Variants in TTI1 observed in about 807,000 individuals in gnomAD.
The protein encoded by TTI1 is TELO2-interacting protein 1 homolog.
Under a neutral mutation model 85.4 loss-of-function variants are expected in TTI1, and 52 were observed. The observed-to-expected ratio is 0.61, with a 90% confidence interval of 0.49 to 0.77. The LOEUF is 0.77. Ranked by LOEUF, TTI1 falls within the 30% of genes least tolerant of loss-of-function variation. The pLI, the probability that TTI1 is intolerant of heterozygous loss-of-function variation, is 0.00. For synonymous variants in TTI1, 512 were observed against 503.9 expected (o/e 1.02, Z -0.22); for missense variants, 1,173 against 1,296.0 (o/e 0.91, Z 1.46).
chr20:38,007,843 A>G (rs868299691), intron 2 of TTI1, among the ~76,000 whole-genome samples: 1 of 152,230 alleles, frequency 6.6e-6, no homozygotes, highest in South Asian at 2.1e-4. Context: ...CCATTATGAC[A>G]TTCTTCAAAC....
intron 1 of TTI1, among the ~76,000 whole-genome samples, chr20:38,015,247 A>G (rs2073665277): frequency 6.6e-6 from 1 of 152,160 alleles, no homozygotes; most frequent in Non-Finnish European, 1.5e-5. Flanking sequence ...AGTCTGGTCT[A>G]CTGACCTCCC....
Position 37,983,272 on chromosome 20 carries a change from A to C in TTI1, c.*184T>G. The C allele has an allele frequency of 1.6e-6, 1 of 607,186 alleles. No homozygotes were observed. The allele number at this position is 607,186 out of a possible 1,614,324, so 37.6% of individuals were successfully genotyped here. A position where few individuals can be genotyped will look rare whatever the true frequency, so the allele number is the denominator to read the frequency against. On this transcript the variant is annotated 3_prime_UTR_variant, in exon 8 of 8. Transcript: ENST00000373447. ...ACACAAGGTATGAAACATAAATAAT[A>C]GTCAGCTACTTTCCTTCAATCCATT... is the stretch of plus-strand genomic sequence containing the variant.
chr20:37,995,003 G>C (rs1467891764), intron 7 of TTI1, among the ~76,000 whole-genome samples: 1 of 152,182 alleles, frequency 6.6e-6, no homozygotes, highest in Admixed American at 6.5e-5. Context: ...TTAACTCTTG[G>C]TTGTAATAGG....
At chr20:38,008,525 T>C (rs552924481) in intron 2 of TTI1, among the ~76,000 whole-genome samples, 1 of 152,344 alleles carries the variant, frequency 6.6e-6, no homozygotes, top group South Asian at 2.1e-4. Flanking sequence ...TTTTTTCTTG[T>C]TATGAATAAT....
chr20:38,023,695 CTG>C (rs2073799423), intron 1 of TTI1, among the ~76,000 whole-genome samples: 1 of 152,242 alleles, frequency 6.6e-6, no homozygotes, highest in Non-Finnish European at 1.5e-5. Flanking sequence ...TTCCCACTCA[CTG>C]TTTGTTTAAT....
chr20:37,997,158 C>CCCATAAATACAGATTA (rs1439251789), intron 5 of TTI1, among the ~76,000 whole-genome samples: 1 of 151,566 alleles, frequency 6.6e-6, no homozygotes, highest in Non-Finnish European at 1.5e-5. Context: ...GCTGCTTCTA[C>CCCATAAATACAGATTA]CCATAAATAC....
chr20:38,008,833 T>A (rs947049532), intron 2 of TTI1, among the ~76,000 whole-genome samples: 4 of 152,206 alleles, frequency 2.6e-5, no homozygotes, highest in African/African-American at 9.6e-5. Flanking sequence ...TACTACTTCC[T>A]GTTCAAAAAG....
In TTI1 at chr20:38,020,323, A is replaced by AAAAAT; in HGVS notation, c.-41-6467_-41-6466insATTTT. Among the ~76,000 whole-genome samples, 87 of 50,370 alleles carry AAAAAT rather than the reference A, an allele frequency of 1.7e-3. 1 individual carries two copies. The highest frequency in any genetic ancestry group is 2.4e-3 in the Admixed American group (11 of 4,664). 33.0% of individuals were successfully genotyped at this position (50,370 alleles called of 152,430 possible). A position where few individuals can be genotyped will look rare whatever the true frequency, so the allele number is the denominator to read the frequency against. On this transcript the variant is annotated intron_variant, in intron 1 of 7. Coordinates refer to ENST00000373447, the MANE Select transcript of TTI1 (RefSeq NM_001303457.2). ...GGCTACTCATATGAAAAAAAAAAAA[A>AAAAAT]ATATATATATATATATATATATATA...
intron 7 of TTI1, among the ~76,000 whole-genome samples, chr20:37,994,977 T>C (rs991290426): frequency 1.3e-5 from 2 of 152,216 alleles, no homozygotes; most frequent in African/African-American, 4.8e-5. Context: ...GGATGGGGAA[T>C]GTGAAAATCA....
At chr20:38,008,405 A>G (rs1030826359) in intron 2 of TTI1, among the ~76,000 whole-genome samples, 1 of 152,236 alleles carries the variant, frequency 6.6e-6, no homozygotes, top group African/African-American at 2.4e-5. Flanking sequence ...TAAATACACT[A>G]TGGTGCAGAC....
chr20:37,995,739 A>G (rs2073329100), intron 7 of TTI1, among the ~76,000 whole-genome samples: 1 of 152,232 alleles, frequency 6.6e-6, no homozygotes, highest in Non-Finnish European at 1.5e-5. Context: ...TAGAGGTGAT[A>G]CAGCTTTTCT....
intron 1 of TTI1, among the ~76,000 whole-genome samples, chr20:38,032,008 C>G (rs962943690): frequency 1.3e-5 from 2 of 152,178 alleles, no homozygotes; most frequent in Admixed American, 1.3e-4. Context: ...CAAAAGCCCT[C>G]AGTTATGACT....
At chr20:38,011,448 G>T in intron 2 of TTI1, 67 bp downstream of exon 2, 2 of 1,542,404 alleles carry the variant, frequency 1.3e-6, no homozygotes, top group Non-Finnish European at 1.7e-6. Context: ...AAAAAACGAG[G>T]CTAAGCAAAC....
chr20:37,994,874 T>C (rs937671672), intron 7 of TTI1, among the ~76,000 whole-genome samples: 1 of 152,114 alleles, frequency 6.6e-6, no homozygotes, highest in East Asian at 1.9e-4. Context: ...AAAAGAGAAC[T>C]AGAAATGAAA....
chr20:37,996,224 C>T (rs2073335986), intron 7 of TTI1, 151 bp downstream of exon 7: 3 of 759,150 alleles, frequency 4.0e-6, no homozygotes, highest in South Asian at 3.7e-5. Flanking sequence ...AGTAAAAATA[C>T]CATCTCTAGT....
rs774077518 is a variant in TTI1, at chr20:37,999,216, G to A, written c.2765C>T (p.Ala922Val). The change falls in exon 5 of 8, where the codon GCC becomes GTC. Residue 922 changes from alanine (A) to valine (V), a missense_variant. Transcript: ENST00000373447. Reference protein sequence around the residue: ...PSLVHRLTRDAPLAVLRAFKV... With the variant: ...PSLVHRLTRDVPLAVLRAFKV... ...GAAGGCTCTAAGCACTGCCAGGGGG[G>A]CGTCCCGTGTGAGTCGGTGAACGAG... is the stretch of plus-strand genomic sequence containing the variant. The A allele has an allele frequency of 1.3e-6, 2 of 1,501,948 alleles. No homozygotes were observed. Among genetic ancestry groups the A allele is most frequent in the South Asian group, 2.7e-5 (2 of 73,620 alleles). 93.0% of individuals were successfully genotyped at this position (1,501,948 alleles called of 1,614,324 possible).
intron 7 of TTI1, among the ~76,000 whole-genome samples, chr20:37,984,939 G>A (rs2073171032): frequency 6.6e-6 from 1 of 152,142 alleles, no homozygotes; most frequent in African/African-American, 2.4e-5. Flanking sequence ...TTTTAATGAG[G>A]ACGTGGTGAG....
chr20:38,025,478 A>G (rs971625884), intron 1 of TTI1, among the ~76,000 whole-genome samples: 1 of 152,074 alleles, frequency 6.6e-6, no homozygotes, highest in Non-Finnish European at 1.5e-5. Context: ...CTGAGGCAGG[A>G]GAATCACTTG....
intron 7 of TTI1, among the ~76,000 whole-genome samples, chr20:37,984,896 C>T (rs1247011778): frequency 2.0e-5 from 3 of 152,122 alleles, no homozygotes; most frequent in Non-Finnish European, 4.4e-5. Context: ...TCTTTTTTCC[C>T]CTGCAATGTG....
Sources: gnomAD v4.1 joint callset for allele counts (sites outside exome capture counted in the v4.1 genomes callset) on GRCh38, gnomAD v4.1.1 for gene constraint, MANE v1.5 for transcripts, NCBI Gene and HGNC (gene_info 2026-07-23, HGNC 2026-07-21) for gene names.